The following KDM2B variants were observed in gnomAD, a reference collection of about 807,000 sequenced individuals.
The protein encoded by KDM2B is lysine-specific demethylase 2B.
In KDM2B, 26 loss-of-function variants were observed where a neutral mutation model predicts 150.0. That is an observed-to-expected ratio of 0.17 (90% CI 0.13 to 0.24). The LOEUF is 0.24. KDM2B is among the 10% of genes least tolerant of loss of function. The pLI, the probability that KDM2B is intolerant of heterozygous loss-of-function variation, is 1.00. For synonymous variants in KDM2B, 734 were observed against 729.5 expected (o/e 1.01, Z -0.10); for missense variants, 1,265 against 1,816.9 (o/e 0.70, Z 5.52).
intron 12 of KDM2B, among the ~76,000 whole-genome samples, chr12:121,461,605 T>G (rs1409139914): frequency 6.6e-6 from 1 of 152,082 alleles, no homozygotes; most frequent in Non-Finnish European, 1.5e-5. Flanking sequence ...TGGAGGACTT[T>G]GAGGTTTCCG....
chr12:121,488,554 C>T (rs1456125233), intron 12 of KDM2B, among the ~76,000 whole-genome samples: 2 of 152,154 alleles, frequency 1.3e-5, no homozygotes, highest in Non-Finnish European at 2.9e-5. Context: ...TGCATCTGAC[C>T]CCAAAAATGC....
rs115169217 is a variant in KDM2B, at chr12:121,543,975, G to A, written c.683+4902C>T. ...CCATATCTAACAAAATTAGCCAGGC[G>A]TGGTGGTGTGTGCCTATGGTCCCAG... On this transcript the variant is annotated intron_variant, in intron 6 of 22. Transcript: ENST00000377071. Among the ~76,000 whole-genome samples the A allele has an allele frequency of 1.4e-3, 209 of 151,850 alleles. 1 individual carries two copies. The highest frequency in any genetic ancestry group is 4.9e-3 in the African/African-American group (203 of 41,406).
intron 12 of KDM2B, among the ~76,000 whole-genome samples, chr12:121,483,940 A>T (rs984400459): frequency 6.6e-6 from 1 of 152,088 alleles, no homozygotes; most frequent in African/African-American, 2.4e-5. Flanking sequence ...AAGCCCAGGG[A>T]CAGTGAAGAG....
intron 12 of KDM2B, among the ~76,000 whole-genome samples, chr12:121,465,208 C>T (rs1296792464): frequency 6.6e-6 from 1 of 151,946 alleles, no homozygotes; most frequent in Non-Finnish European, 1.5e-5. Context: ...ACAGTGAATA[C>T]AGGTTTGTTT....
intron 4 of KDM2B, among the ~76,000 whole-genome samples, chr12:121,560,326 C>T (rs954275521): frequency 6.6e-6 from 1 of 152,186 alleles, no homozygotes; most frequent in Non-Finnish European, 1.5e-5. Context: ...ATTTCCAGAA[C>T]TCAGTTGCCT....
At chr12:121,524,592 G>A (rs1886971119) in intron 8 of KDM2B, 11 of 332,280 alleles carry the variant, frequency 3.3e-5, no homozygotes, top group South Asian at 2.3e-4. Flanking sequence ...CCCCAGCTCT[G>A]CTCACATCTG....
chr12:121,556,536 C>G (rs1555312760), intron 4 of KDM2B, among the ~76,000 whole-genome samples: 1 of 152,124 alleles, frequency 6.6e-6, no homozygotes, highest in African/African-American at 2.4e-5. Context: ...AGAGCTGAAT[C>G]AAATAAACCT....
chr12:121,416,230 G>A, the KDM2B span: 2 of 1,614,078 alleles, frequency 1.2e-6, no homozygotes, highest in East Asian at 2.2e-5. Context: ...GAGCTGTCAG[G>A]GGCCAGCAGT....
At chr12:121,545,575 G>A (rs1343973672) in intron 6 of KDM2B, among the ~76,000 whole-genome samples, 2 of 152,154 alleles carry the variant, frequency 1.3e-5, no homozygotes, top group African/African-American at 4.8e-5. Flanking sequence ...ACCCAGCGCA[G>A]TCTCTTTTGC....
intron 22 of KDM2B, among the ~76,000 whole-genome samples, chr12:121,435,578 G>T (rs1208810076): frequency 6.6e-6 from 1 of 152,156 alleles, no homozygotes; most frequent in Non-Finnish European, 1.5e-5. Context: ...TCCTTCCCCA[G>T]CAGAAGACTG....
intron 12 of KDM2B, among the ~76,000 whole-genome samples, chr12:121,466,691 A>G (rs1880010883): frequency 6.6e-6 from 1 of 150,472 alleles, no homozygotes; most frequent in Non-Finnish European, 1.5e-5. Context: ...CCAGCCCCGA[A>G]GCCGAGGGTC....
At chr12:121,445,577 A>G (rs1209338982) in intron 13 of KDM2B, among the ~76,000 whole-genome samples, 159 bp from the exon 14 acceptor site, 2 of 152,220 alleles carry the variant, frequency 1.3e-5, no homozygotes, top group Non-Finnish European at 2.9e-5. Context: ...TGAAATACGT[A>G]TCAGGCTACT....
At chr12:121,420,880 C>A in the KDM2B span, 3 of 858,320 alleles carry the variant, frequency 3.5e-6, no homozygotes, top group Admixed American at 2.2e-5. Flanking sequence ...TTTGAGAAAG[C>A]TGTGTACCAT....
intron 4 of KDM2B, among the ~76,000 whole-genome samples, chr12:121,567,768 T>C (rs921340709): frequency 1.4e-5 from 2 of 147,810 alleles, no homozygotes; most frequent in African/African-American, 5.0e-5. Flanking sequence ...TGGAGTATAG[T>C]GGTGCAATCT....
intron 8 of KDM2B, among the ~76,000 whole-genome samples, chr12:121,522,754 A>C (rs1383314644): frequency 6.6e-6 from 1 of 151,558 alleles, no homozygotes; most frequent in Non-Finnish European, 1.5e-5. Flanking sequence ...AGGCGGAGGC[A>C]TGAGAATTGC....
chr12:121,575,915 C>G lies in KDM2B; in HGVS notation c.272-56G>C, dbSNP rs1382698386. 2 of 1,353,964 alleles carry G rather than the reference C, an allele frequency of 1.5e-6. No homozygotes were observed. The highest frequency in any genetic ancestry group is 2.9e-5 in the African/African-American group (2 of 69,874). The allele number at this position is 1,353,964 out of a possible 1,614,324, so 83.9% of individuals were successfully genotyped here. ...GTTAAGTCACGAAGGAGCAAATGAA[C>G]CGGGATCTGTTGGTTAGGGGAAGAA... is the stretch of plus-strand genomic sequence containing the variant. On this transcript the variant is annotated intron_variant, in intron 2 of 22. Transcript: ENST00000377071. The surrounding 1 kb of genome is among the most constrained non-coding windows in gnomAD (Gnocchi z 4.4).
intron 12 of KDM2B, among the ~76,000 whole-genome samples, chr12:121,489,134 G>C (rs1198385717): frequency 6.6e-6 from 1 of 151,658 alleles, no homozygotes; most frequent in Non-Finnish European, 1.5e-5. Flanking sequence ...TAGTAAAGAT[G>C]GTGTTTCACC....
intron 4 of KDM2B, among the ~76,000 whole-genome samples, chr12:121,552,497 A>C (rs1330670262): frequency 1.3e-5 from 2 of 151,958 alleles, no homozygotes; most frequent in African/African-American, 4.8e-5. Flanking sequence ...ACATGGCAAA[A>C]CCCTATCTCT....
upstream of KDM2B, chr12:121,581,154 T>A (rs1172013201): frequency 2.2e-6 from 1 of 451,314 alleles, no homozygotes; most frequent in East Asian, 3.8e-5. Flanking sequence ...AAGTTGGACA[T>A]TTTTTAAAGG....
Sources: gnomAD v4.1 joint callset for allele counts (sites outside exome capture counted in the v4.1 genomes callset) on GRCh38, gnomAD v4.1.1 for gene constraint, Gnocchi (gnomAD v3.1) non-coding constraint, MANE v1.5 for transcripts, NCBI Gene and HGNC (gene_info 2026-07-23, HGNC 2026-07-21) for gene names.